OCLN: variants seen among roughly 807,000 people sequenced by gnomAD.
OCLN encodes phosphatase 1, regulatory subunit 115.
OCLN carries 21 observed loss-of-function variants against 47.9 expected under a neutral mutation model. The observed-to-expected ratio is 0.44, with a 90% CI of 0.31 to 0.63. OCLN has a LOEUF of 0.63. Among genes scored for constraint, OCLN ranks in the 30% least tolerant of loss-of-function variants. The probability of loss-of-function intolerance (pLI) is 0.08; values close to 1 mark genes in which losing one functional copy is unlikely to be tolerated. For synonymous variants in OCLN, 117 were observed against 198.4 expected (o/e 0.59, Z 3.45); for missense variants, 360 against 571.0 (o/e 0.63, Z 3.77).
intron 4 of OCLN, among the ~76,000 whole-genome samples, chr5:69,528,127 C>A (rs1319881424): frequency 6.6e-6 from 1 of 152,072 alleles, no homozygotes; most frequent in South Asian, 2.1e-4. Context: ...AGAGAACTTT[C>A]CAGTCGATTT....
chr5:69,528,526 T>C (rs1271646140), intron 4 of OCLN, among the ~76,000 whole-genome samples: 2 of 152,174 alleles, frequency 1.3e-5, no homozygotes, highest in African/African-American at 4.8e-5. Flanking sequence ...ATGGTCTCCT[T>C]TGTTACAAAG....
chr5:69,529,638 C>T (rs1218511387), intron 4 of OCLN, among the ~76,000 whole-genome samples: 2 of 152,034 alleles, frequency 1.3e-5, no homozygotes, highest in East Asian at 3.9e-4. Context: ...GAGATGGAAT[C>T]TGTCACCCAG....
At chr5:69,533,658 A>G (rs747972833) in intron 4 of OCLN, among the ~76,000 whole-genome samples, 12 of 152,072 alleles carry the variant, frequency 7.9e-5, no homozygotes, top group Non-Finnish European at 1.5e-4. Flanking sequence ...ACATTAAGGC[A>G]TAATTTCTTT....
intron 4 of OCLN, among the ~76,000 whole-genome samples, chr5:69,529,592 A>G (rs190070041): frequency 1.3e-5 from 2 of 152,078 alleles, no homozygotes; most frequent in Non-Finnish European, 2.9e-5. Context: ...TTTCAAGAGT[A>G]AGTCTGAGTT....
intron 4 of OCLN, among the ~76,000 whole-genome samples, chr5:69,527,122 T>A (rs940489816): frequency 1.3e-5 from 2 of 151,832 alleles, no homozygotes; most frequent in Admixed American, 6.6e-5. Context: ...TCTAAAAATA[T>A]AAAAATTAGC....
chr5:69,517,336 C>T (rs1769003194), intron 4 of OCLN, among the ~76,000 whole-genome samples: 1 of 144,612 alleles, frequency 6.9e-6, no homozygotes, highest in Admixed American at 7.1e-5. Flanking sequence ...TTTGAGACGG[C>T]TTCTGGCTCT....
In OCLN at chr5:69,516,462, G is replaced by T. The variant is rs888341353; in HGVS notation, c.891+2353G>T. Among the ~76,000 whole-genome samples, 5 of 152,012 alleles carry T rather than the reference G, an allele frequency of 3.3e-5. No homozygotes were observed. The East Asian group carries it at 9.7e-4, about 29-fold the overall frequency. On this transcript the variant is annotated intron_variant, in intron 4 of 8. Coordinates refer to ENST00000396442, the MANE Select transcript of OCLN (RefSeq NM_001205254.2). The stretch of plus-strand genomic sequence containing the variant: ...GATGGCAGCAGTACAGTCCAGCTTC[G>T]GCTCGGCATCAGTGGGAGACCGTGG...
intron 4 of OCLN, among the ~76,000 whole-genome samples, chr5:69,515,000 C>T (rs1561339106): frequency 1.3e-5 from 2 of 152,218 alleles, no homozygotes; most frequent in Non-Finnish European, 2.9e-5. Flanking sequence ...TCCACAAAAC[C>T]GCCATTGTCA....
At chr5:69,494,186 TG>T (rs1554052302) in intron 1 of OCLN, among the ~76,000 whole-genome samples, 2 of 2,978 alleles carry the variant, frequency 6.7e-4, no homozygotes, top group Admixed American at 2.2e-3. Flanking sequence ...ATGAGGTGCT[TG>T]TGTGTGTGTG....
chr5:69,520,938 C>T (rs948319591), intron 4 of OCLN, among the ~76,000 whole-genome samples: 8 of 152,142 alleles, frequency 5.3e-5, no homozygotes, highest in Admixed American at 6.5e-5. Context: ...ATCTCCACTT[C>T]CTGGATTCAA....
chr5:69,498,015 C>G (rs974654634), intron 1 of OCLN, among the ~76,000 whole-genome samples: 11 of 151,312 alleles, frequency 7.3e-5, no homozygotes, highest in Non-Finnish European at 1.5e-4. Flanking sequence ...GCCTGTAGTC[C>G]CAGCTACTTG....
At chr5:69,494,111 T>C (rs1443594047) in intron 1 of OCLN, among the ~76,000 whole-genome samples, 2 of 152,274 alleles carry the variant, frequency 1.3e-5, no homozygotes, top group Admixed American at 6.5e-5. Flanking sequence ...TGATTCTTGG[T>C]GTGATAGAAA....
intron 1 of OCLN, among the ~76,000 whole-genome samples, chr5:69,498,112 ACAGAGCGAGACTCC>A (rs1768352430): frequency 6.6e-6 from 1 of 151,974 alleles, no homozygotes. Flanking sequence ...AGCCTGGGCG[ACAGAGCGAGACTCC>A]GTCTCAAAAA....
chr5:69,513,927 A>G, intron 3 of OCLN, 21 bp from the exon 4 acceptor site: 2 of 1,604,462 alleles, frequency 1.2e-6, no homozygotes, highest in African/African-American at 1.3e-5. Context: ...AATTATGCCA[A>G]TATTTTCCAC....
intron 1 of OCLN, among the ~76,000 whole-genome samples, chr5:69,500,173 G>T (rs1329784277): frequency 6.6e-6 from 1 of 152,178 alleles, no homozygotes; most frequent in Non-Finnish European, 1.5e-5. Context: ...CCTCCCACCA[G>T]GTGGACATAA....
intron 1 of OCLN, among the ~76,000 whole-genome samples, chr5:69,500,249 C>G (rs1768418911): frequency 6.6e-6 from 1 of 152,158 alleles, no homozygotes; most frequent in Non-Finnish European, 1.5e-5. Context: ...CCCACCCACA[C>G]AAGGATGTGC....
intron 4 of OCLN, among the ~76,000 whole-genome samples, chr5:69,532,477 A>T (rs763177644): frequency 5.9e-5 from 9 of 152,200 alleles, no homozygotes; most frequent in Admixed American, 1.3e-4. Flanking sequence ...ATATCTGTAG[A>T]TTTATTTTGA....
rs1349258104 is a variant in OCLN, at chr5:69,509,761, C to T, written c.671C>T (p.Ala224Val). 2.2e-5 allele frequency: 36 copies of T among 1,613,970 alleles called. No individual in the cohort carries two copies. The highest frequency in any genetic ancestry group is 2.8e-5 in the Non-Finnish European group (33 of 1,179,986). The change falls in exon 3 of 9, where the codon GCT (alanine) becomes GTT (valine). Residue 224 changes from alanine (A) to valine (V), a missense_variant. Physicochemically the swap from Ala to Val is moderately conservative, Grantham distance 64 (BLOSUM62 0). Around this residue, in one of 3 missense-constraint regions of OCLN, gnomAD observed 314 missense variants for 368.1 expected, o/e 0.85. Coordinates refer to ENST00000396442, the MANE Select transcript of OCLN (RefSeq NM_001205254.2). ...ALCNQFYTPA[A>V]TGLYVDQYLY... ...TGCAACCAATTTTATACACCTGCAG[C>T]TACTGGACTCTACGTGGATCAGTAT... is the stretch of plus-strand genomic sequence containing the variant.
chr5:69,519,968 T>G (rs1769087882), intron 4 of OCLN, among the ~76,000 whole-genome samples: 1 of 152,228 alleles, frequency 6.6e-6, no homozygotes, highest in Non-Finnish European at 1.5e-5. Context: ...TTTTGTTTGT[T>G]TGTTTGTTTT....
Sources: allele counts gnomAD v4.1 joint callset (sites outside exome capture counted in the v4.1 genomes callset), GRCh38; gene constraint gnomAD v4.1.1; regional missense constraint gnomAD v4.1.1; transcripts MANE v1.5; gene names NCBI Gene and HGNC (gene_info 2026-07-23, HGNC 2026-07-21).